The following LNX1 variants were observed in gnomAD, a reference collection of about 807,000 sequenced individuals.
The protein encoded by LNX1 is E3 ubiquitin-protein ligase LNX.
A neutral mutation model predicts 68.4 loss-of-function variants in LNX1; 54 were observed. That is an observed-to-expected ratio of 0.79 (90% CI 0.63 to 0.99). The LOEUF (loss-of-function observed/expected upper bound fraction) is 0.99, where lower values mean the gene tolerates loss of function less well. LNX1 is among the 50% of genes least tolerant of loss of function. The pLI, the probability that LNX1 is intolerant of heterozygous loss-of-function variation, is 0.00. For missense variants in LNX1, 906 were observed against 926.4 expected (o/e 0.98, Z 0.29); for synonymous variants, 336 against 350.0 (o/e 0.96, Z 0.45).
intron 1 of LNX1, among the ~76,000 whole-genome samples, chr4:53,584,467 C>A (rs1190035595): frequency 6.6e-6 from 1 of 152,134 alleles, no homozygotes; most frequent in Non-Finnish European, 1.5e-5. Flanking sequence ...GAGCCATGGA[C>A]AAGCTTTGGA....
intron 8 of LNX1, among the ~76,000 whole-genome samples, chr4:53,477,628 C>G (rs906858696): frequency 1.3e-5 from 2 of 152,182 alleles, no homozygotes; most frequent in African/African-American, 4.8e-5. Flanking sequence ...TTGGCCTCAT[C>G]ATTTTCCACC....
chr4:53,547,875 G>T (rs745475895), intron 2 of LNX1, among the ~76,000 whole-genome samples: 1 of 152,130 alleles, frequency 6.6e-6, no homozygotes. Context: ...GATGAATATG[G>T]TTCGGGGGTC....
At chr4:53,501,126 T>TA (rs1725443335) in intron 4 of LNX1, among the ~76,000 whole-genome samples, 1 of 152,144 alleles carries the variant, frequency 6.6e-6, no homozygotes, top group Non-Finnish European at 1.5e-5. Context: ...GTCTGGAAAG[T>TA]AAAAAATTTG....
intron 1 of LNX1, among the ~76,000 whole-genome samples, chr4:53,625,844 C>CGTGT (rs59366709): frequency 0.17 from 24,743 of 143,996 alleles, 2,127 homozygotes; most frequent in Middle Eastern, 0.2. Flanking sequence ...AATTCCACCC[C>CGTGT]GTGTGTGTGT....
At chr4:53,486,942 C>A (rs1402612697) in intron 6 of LNX1, among the ~76,000 whole-genome samples, 1 of 150,696 alleles carries the variant, frequency 6.6e-6, no homozygotes, top group Non-Finnish European at 1.5e-5. Context: ...TTATATGTAC[C>A]CATCTTTAAA....
intron 9 of LNX1, among the ~76,000 whole-genome samples, chr4:53,462,228 G>T (rs1193760372): frequency 6.6e-6 from 1 of 152,066 alleles, no homozygotes; most frequent in Admixed American, 6.6e-5. Context: ...AGTTATAAAA[G>T]GAATGGGAGA....
chr4:53,588,145 T>G (rs1005644812), intron 1 of LNX1, among the ~76,000 whole-genome samples: 2 of 152,246 alleles, frequency 1.3e-5, no homozygotes, highest in African/African-American at 4.8e-5. Flanking sequence ...TGTAATTATT[T>G]CAATTATTCC....
rs1284384027 is a variant in LNX1 at position 53,521,001 on chromosome 4, A to T, written c.381-12774T>A. Among the ~76,000 whole-genome samples, 3 of 152,194 alleles carry T rather than the reference A, an allele frequency of 2.0e-5. No homozygotes were observed. The East Asian group carries it at 5.8e-4, about 29-fold the overall frequency. Reference sequence around the variant, plus strand: ...ACCCCAAATTATTCTATTTACTTTTAAAACACTTGGAGACAACCAAAGTCT... The same window carrying T: ...ACCCCAAATTATTCTATTTACTTTTTAAACACTTGGAGACAACCAAAGTCT... On this transcript the variant is annotated intron_variant, in intron 2 of 10. Transcript: ENST00000263925.
At chr4:53,572,111 GC>G (rs1731206440) in intron 2 of LNX1, among the ~76,000 whole-genome samples, 1 of 152,124 alleles carries the variant, frequency 6.6e-6, no homozygotes, top group Non-Finnish European at 1.5e-5. Context: ...TCATCCCCTT[GC>G]CCAGTGTGGC....
intron 9 of LNX1, among the ~76,000 whole-genome samples, chr4:53,468,940 A>C (rs1722924656): frequency 6.6e-6 from 1 of 152,176 alleles, no homozygotes; most frequent in Non-Finnish European, 1.5e-5. Context: ...ACGACACAGA[A>C]AGTTAACAAG....
intron 2 of LNX1, among the ~76,000 whole-genome samples, chr4:53,510,941 A>C (rs1726287636): frequency 6.6e-6 from 1 of 152,234 alleles, no homozygotes; most frequent in South Asian, 2.1e-4. Flanking sequence ...CAGTATTTTA[A>C]AAATATCTGA....
intron 2 of LNX1, among the ~76,000 whole-genome samples, chr4:53,563,695 TG>T (rs1730437749): frequency 6.6e-6 from 1 of 152,134 alleles, no homozygotes; most frequent in Non-Finnish European, 1.5e-5. Context: ...TCACCACGCC[TG>T]GTTAATTTTT....
At chr4:53,478,793 T>A in intron 7 of LNX1, 51 bp from the exon 8 acceptor site, 3 of 1,541,632 alleles carry the variant, frequency 1.9e-6, no homozygotes, top group Non-Finnish European at 2.6e-6. Flanking sequence ...ACTCTGGTAG[T>A]TTTTGAATGT....
chr4:53,505,442 G>A (rs1725807389), intron 4 of LNX1, among the ~76,000 whole-genome samples: 1 of 151,956 alleles, frequency 6.6e-6, no homozygotes, highest in South Asian at 2.1e-4. Context: ...AGTAGAGATG[G>A]GGTTTCACTG....
intron 2 of LNX1, among the ~76,000 whole-genome samples, chr4:53,547,852 T>C (rs1729214883): frequency 6.6e-6 from 1 of 152,150 alleles, no homozygotes. Flanking sequence ...AGGGGGATGA[T>C]GACTGTAAGG....
chr4:53,642,815 G>A (rs535805176), intron 1 of LNX1, among the ~76,000 whole-genome samples: 203 of 152,202 alleles, frequency 1.3e-3, no homozygotes, highest in South Asian at 2.3e-3. Context: ...GAGAGGGGTC[G>A]CTCCACTTGA....
In LNX1 at chr4:53,576,057, A is replaced by G. The variant is rs562158030; in HGVS notation, c.-86-1969T>C. 23 of 1,560,648 alleles carry G rather than the reference A, an allele frequency of 1.5e-5. 1 individual carries two copies. Among genetic ancestry groups the G allele is most frequent in the Non-Finnish European group, 1.9e-5 (22 of 1,155,932 alleles). ...ACACCTTCAGGGACCAGCTCCAGGAACTCTGCATCCCCCAAGACCTGGTCG... is the reference window on the plus strand; with the variant it reads ...ACACCTTCAGGGACCAGCTCCAGGAGCTCTGCATCCCCCAAGACCTGGTCG... On this transcript the variant is annotated intron_variant, in intron 1 of 10. Coordinates refer to ENST00000263925, the MANE Select transcript of LNX1 (RefSeq NM_001126328.3).
At chr4:53,598,392 C>T (rs1160249891) in intron 2 of LNX1, among the ~76,000 whole-genome samples, 1 of 151,908 alleles carries the variant, frequency 6.6e-6, no homozygotes, top group Admixed American at 6.6e-5. Context: ...ACCACCATGC[C>T]CAGCAAATTT....
chr4:53,588,968 A>G (rs1732339795), intron 1 of LNX1, among the ~76,000 whole-genome samples: 2 of 152,142 alleles, frequency 1.3e-5, no homozygotes, highest in South Asian at 2.1e-4. Context: ...ACCTCCTTCT[A>G]TGGTACAATG....
Sources: gnomAD v4.1 joint callset for allele counts (sites outside exome capture counted in the v4.1 genomes callset) on GRCh38, gnomAD v4.1.1 for gene constraint, MANE v1.5 for transcripts, NCBI Gene and HGNC (gene_info 2026-07-23, HGNC 2026-07-21) for gene names.